The following FAM83G variants were observed in gnomAD, a reference collection of about 807,000 sequenced individuals.
The protein encoded by FAM83G is scaffolding CK1 anchoring protein G, also known as protein FAM83G.
FAM83G carries 38 observed loss-of-function variants against 61.5 expected under a neutral mutation model. That is an observed-to-expected ratio of 0.62 (90% confidence interval 0.48 to 0.81). The LOEUF is 0.81. FAM83G is among the 30% of genes least tolerant of loss of function. The pLI is 0.00. For missense variants in FAM83G, 989 were observed against 1,133.6 expected, an observed-to-expected ratio of 0.87 and a Z score of 1.83; for synonymous variants, 470 against 476.1, an observed-to-expected ratio of 0.99 and a Z score of 0.17.
intron 5 of FAM83G, chr17:18,976,592 C>A: frequency 2.2e-6 from 1 of 464,368 alleles, no homozygotes; most frequent in Non-Finnish European, 3.8e-6. Context: ...GGGCAGGATC[C>A]ACACCTCCCC....
chr17:18,997,368 G>A (rs1201480022), intron 2 of FAM83G, among the ~76,000 whole-genome samples: 1 of 152,266 alleles, frequency 6.6e-6, no homozygotes, highest in Non-Finnish European at 1.5e-5. Flanking sequence ...TGAGGCAAGA[G>A]GGCAAGATCC....
intron 3 of FAM83G, among the ~76,000 whole-genome samples, chr17:18,981,780 C>T (rs797013967): frequency 1.1e-4 from 17 of 152,352 alleles, no homozygotes; most frequent in African/African-American, 3.6e-4. Context: ...CCCCCCACCC[C>T]GCAGGCTGCA....
chr17:19,004,209 G>C lies in FAM83G; in HGVS notation c.-128-40C>G. 1.7e-6 allele frequency: 1 copy of C among 595,256 alleles called. No individual in the cohort carries two copies. Among genetic ancestry groups the C allele is most frequent in the Non-Finnish European group, 2.8e-6 (1 of 359,148 alleles). 36.9% of individuals were successfully genotyped at this position (595,256 alleles called of 1,614,324 possible). ...TGATGAGCCCGGCTCGGCGGGGAGG[G>C]CGGGCCGCGCGGGGAGGGGCGGCGG... is the stretch of plus-strand genomic sequence containing the variant. On this transcript the variant is annotated intron_variant, in intron 1 of 5. Transcript: ENST00000388995. This position sits in a 1 kb window ranked among gnomAD's most constrained non-coding sequence, Gnocchi z 5.4.
At position 19,000,876 on chromosome 17, in the gene FAM83G, C is replaced by T. The variant is rs551766615; in HGVS notation, c.522+2644G>A. Reference sequence around the variant, plus strand: ...CGCCCCGTCAGCATCCGTCAGTGTCCGGGCCCTGCCCCTGTGAGCCTGGGA... The same window carrying T: ...CGCCCCGTCAGCATCCGTCAGTGTCTGGGCCCTGCCCCTGTGAGCCTGGGA... On this transcript the variant is annotated intron_variant, in intron 2 of 5. Transcript: ENST00000388995. This position sits in a 1 kb window ranked among gnomAD's most constrained non-coding sequence, Gnocchi z 5.2. 7.9e-5 allele frequency among the ~76,000 whole-genome samples: 12 copies of T among 152,240 alleles called. No individual in the cohort carries two copies. The highest frequency in any genetic ancestry group is 2.9e-4 in the African/African-American group (12 of 41,542).
Position 19,004,061 on chromosome 17 carries a change from C to T in FAM83G, c.-20G>A. ...GGCCATGGCGCCGCCTGCCCGGGCA[C>T]TGCTGCCGGGGGTGGGTGGGCAAGG... On this transcript the variant is annotated 5_prime_UTR_variant, in exon 2 of 6. It adds an upstream start codon to the 5' untranslated region. Coordinates refer to ENST00000388995, the MANE Select transcript of FAM83G (RefSeq NM_001039999.3). This position sits in a 1 kb window ranked among gnomAD's most constrained non-coding sequence, Gnocchi z 5.4. 2 of 1,563,140 alleles carry T rather than the reference C, an allele frequency of 1.3e-6. No individual in the cohort carries two copies. Among genetic ancestry groups the T allele is most frequent in the Non-Finnish European group, 1.7e-6 (2 of 1,153,122 alleles).
chr17:18,981,493 G>A (rs2043131532), intron 3 of FAM83G, among the ~76,000 whole-genome samples: 1 of 152,170 alleles, frequency 6.6e-6, no homozygotes, highest in Non-Finnish European at 1.5e-5. Context: ...GCTGGCATCA[G>A]GCAGTGGGTG....
chr17:18,976,808 G>A (rs778918413), intron 5 of FAM83G: 2 of 1,604,142 alleles, frequency 1.2e-6, no homozygotes, highest in South Asian at 1.1e-5. Context: ...CCTGACACAA[G>A]TGTCCCTCAG....
chr17:18,998,480 G>T (rs1567804146), intron 2 of FAM83G, among the ~76,000 whole-genome samples: 1 of 152,264 alleles, frequency 6.6e-6, no homozygotes, highest in African/African-American at 2.4e-5. Flanking sequence ...CCTTATGAAG[G>T]CCCCAGCCGA....
intron 4 of FAM83G, chr17:18,979,207 C>T: frequency 2.1e-6 from 1 of 466,586 alleles, no homozygotes; most frequent in South Asian, 2.5e-5. Flanking sequence ...TAACCATGGG[C>T]AGCGCCCACC....
chr17:19,004,091 G>A lies in FAM83G; in HGVS notation c.-50C>T, dbSNP rs751409155. On this transcript the variant is annotated 5_prime_UTR_variant, in exon 2 of 6. Coordinates refer to ENST00000388995, the MANE Select transcript of FAM83G (RefSeq NM_001039999.3). This position sits in a 1 kb window ranked among gnomAD's most constrained non-coding sequence, Gnocchi z 5.4. ...GCCGGGGGTGGGTGGGCAAGGTCCA[G>A]CTCCTAGCTCCGGCCCAGCTGGGGC... 6.6e-7 allele frequency: 1 copy of A among 1,520,724 alleles called. No homozygotes were observed. Among genetic ancestry groups the A allele is most frequent in the East Asian group, 2.3e-5 (1 of 43,842 alleles). The allele number at this position is 1,520,724 out of a possible 1,614,324, so 94.2% of individuals were successfully genotyped here. A position where few individuals can be genotyped will look rare whatever the true frequency, so the allele number is the denominator to read the frequency against.
Position 18,968,945 on chromosome 17 carries a change from C to A in FAM83G, c.*2414G>T. 1 of 1,060,010 alleles carries A rather than the reference C, an allele frequency of 9.4e-7. No individual in the cohort carries two copies. Among genetic ancestry groups the A allele is most frequent in the Non-Finnish European group, 1.3e-6 (1 of 746,682 alleles). The allele number at this position is 1,060,010 out of a possible 1,614,324, so 65.7% of individuals were successfully genotyped here. ...GCGAGTGGGGGTCTCCCCTCCTTAT[C>A]CACAGGCCACCGAGGCCCAGAGAGG... On this transcript the variant is annotated 3_prime_UTR_variant, in exon 6 of 6. Transcript: ENST00000388995. The surrounding 1 kb of genome is among the most constrained non-coding windows in gnomAD (Gnocchi z 4.1).
rs1287632577 is a variant in FAM83G at position 18,969,009 on chromosome 17, C to A, written c.*2350G>T. The A allele has an allele frequency of 1.3e-6, 2 of 1,568,542 alleles. No individual in the cohort carries two copies. Among genetic ancestry groups the A allele is most frequent in the East Asian group, 4.5e-5 (2 of 44,182 alleles). On this transcript the variant is annotated 3_prime_UTR_variant, in exon 6 of 6. Transcript: ENST00000388995. The stretch of plus-strand genomic sequence containing the variant: ...TCACCCAGGGAGTGGCTTGCTGGAG[C>A]CCTGGGAATAACAGTCCCACACAAG...
At chr17:18,972,614 G>T (rs1209073233) in intron 5 of FAM83G, among the ~76,000 whole-genome samples, 5 of 152,194 alleles carry the variant, frequency 3.3e-5, no homozygotes, top group Non-Finnish European at 7.3e-5. Flanking sequence ...TGTAATCCCA[G>T]CACTTTGGGA....
chr17:18,979,020 G>A (rs1013947505), intron 4 of FAM83G, 170 bp from the exon 5 acceptor site: 2 of 724,366 alleles, frequency 2.8e-6, no homozygotes, highest in East Asian at 2.7e-5. Context: ...TGAGTCGGAT[G>A]TCAAGCAAGT....
In FAM83G at chr17:19,004,481, C is replaced by T. The variant is rs1476036860; in HGVS notation, c.-129+228G>A. On this transcript the variant is annotated intron_variant, in intron 1 of 5. Transcript: ENST00000388995. This position sits in a 1 kb window ranked among gnomAD's most constrained non-coding sequence, Gnocchi z 5.4. ...AAACTAGGGCAGCCGGGGAACTTCCCAGTAGCTTCTTAGAGTGGGAGGCGG... is the reference window on the plus strand; with the variant it reads ...AAACTAGGGCAGCCGGGGAACTTCCTAGTAGCTTCTTAGAGTGGGAGGCGG... 6.6e-6 allele frequency among the ~76,000 whole-genome samples: 1 copy of T among 152,148 alleles called. No individual in the cohort carries two copies. The highest frequency in any genetic ancestry group is 1.5e-5 in the Non-Finnish European group (1 of 68,006).
At position 18,971,816 on chromosome 17, in the gene FAM83G, G is replaced by A; in HGVS notation, c.2083-68C>T. 2 of 1,495,192 alleles carry A rather than the reference G, an allele frequency of 1.3e-6. No homozygotes were observed. Among genetic ancestry groups the A allele is most frequent in the East Asian group, 4.6e-5 (2 of 43,568 alleles). The allele number at this position is 1,495,192 out of a possible 1,614,324, so 92.6% of individuals were successfully genotyped here. On this transcript the variant is annotated intron_variant, in intron 5 of 5. Coordinates refer to ENST00000388995, the MANE Select transcript of FAM83G (RefSeq NM_001039999.3). The surrounding 1 kb of genome is among the most constrained non-coding windows in gnomAD (Gnocchi z 5.5). ...CAACCCCGCCCCAGCACAGGACCCTGCTCAGGCACACAGGAGCCGGCAGGC... is the reference window on the plus strand; with the variant it reads ...CAACCCCGCCCCAGCACAGGACCCTACTCAGGCACACAGGAGCCGGCAGGC...
chr17:18,990,502 A>G (rs1202172289), intron 2 of FAM83G, among the ~76,000 whole-genome samples: 1 of 152,204 alleles, frequency 6.6e-6, no homozygotes, highest in African/African-American at 2.4e-5. Context: ...TTCTCCCTGG[A>G]GGGCACCAGG....
intron 2 of FAM83G, among the ~76,000 whole-genome samples, chr17:18,988,840 C>T (rs2043336376): frequency 6.6e-6 from 1 of 152,224 alleles, no homozygotes; most frequent in African/African-American, 2.4e-5. Flanking sequence ...CAGCTGACAA[C>T]ATCTGTCCCC....
chr17:19,005,045 A>T (rs1361757861), upstream of FAM83G, among the ~76,000 whole-genome samples: 3 of 152,174 alleles, frequency 2.0e-5, no homozygotes, highest in Non-Finnish European at 4.4e-5. Context: ...CTGTGCCCCC[A>T]GGGTCTGTTG....
Sources: gnomAD v4.1 joint callset for allele counts (sites outside exome capture counted in the v4.1 genomes callset) on GRCh38, gnomAD v4.1.1 for gene constraint, Gnocchi (gnomAD v3.1) non-coding constraint, MANE v1.5 for transcripts, NCBI Gene and HGNC (gene_info 2026-07-23, HGNC 2026-07-21) for gene names.